TRAPPC9: variants seen among roughly 807,000 people sequenced by gnomAD.
The protein encoded by TRAPPC9 is IKK2 binding protein.
In TRAPPC9, 83 loss-of-function variants were observed where a neutral mutation model predicts 124.0. That is an observed-to-expected ratio of 0.67 (90% confidence interval 0.56 to 0.80). The LOEUF is 0.80. Among genes scored for constraint, TRAPPC9 ranks in the 30% least tolerant of loss-of-function variants. The pLI is 0.00. For synonymous variants in TRAPPC9, 638 were observed against 617.5 expected (o/e 1.03, Z -0.49); for missense variants, 1,302 against 1,508.3 (o/e 0.86, Z 2.27).
chr8:140,134,015 G>C (rs988114658), intron 17 of TRAPPC9, among the ~76,000 whole-genome samples: 1 of 151,526 alleles, frequency 6.6e-6, no homozygotes, highest in African/African-American at 2.4e-5. Flanking sequence ...AATTCCAACA[G>C]CTTATTTTTT....
intron 19 of TRAPPC9, among the ~76,000 whole-genome samples, chr8:139,958,815 G>A (rs1045573013): frequency 1.3e-5 from 2 of 152,242 alleles, no homozygotes; most frequent in African/African-American, 4.8e-5. Flanking sequence ...GGGGAGTTGT[G>A]TAGACACCAT....
Position 139,990,026 on chromosome 8 carries a change from G to A in TRAPPC9, c.2700-1190C>T, listed in dbSNP as rs968638990. On this transcript the variant is annotated intron_variant, in intron 18 of 22. Coordinates refer to ENST00000438773, the MANE Select transcript of TRAPPC9 (RefSeq NM_001160372.4). ...AAGAGCAGGGTAAACAGTTTTCATG[G>A]GGGGAGAAAACACAGAGAAAAAGAT... is the stretch of plus-strand genomic sequence containing the variant. 2.6e-5 allele frequency among the ~76,000 whole-genome samples: 4 copies of A among 152,120 alleles called. No homozygotes were observed. The South Asian group carries it at 8.3e-4, about 32-fold the overall frequency.
At chr8:139,915,609 G>A (rs138827098) in intron 19 of TRAPPC9, among the ~76,000 whole-genome samples, 189 of 152,272 alleles carry the variant, frequency 1.2e-3, no homozygotes, top group African/African-American at 3.8e-3. Flanking sequence ...CCCGCTGTTC[G>A]TGTCTGACCA....
chr8:139,834,278 C>T (rs1027235563), intron 21 of TRAPPC9, among the ~76,000 whole-genome samples: 5 of 152,170 alleles, frequency 3.3e-5, no homozygotes, highest in Non-Finnish European at 7.4e-5. Context: ...CATGATGGTG[C>T]CTACACCAGC....
At chr8:139,900,873 G>T (rs1399165160) in intron 20 of TRAPPC9, among the ~76,000 whole-genome samples, 2 of 151,988 alleles carry the variant, frequency 1.3e-5, no homozygotes, top group African/African-American at 4.8e-5. Context: ...AACAATGATT[G>T]CTTAGTTCAC....
intron 14 of TRAPPC9, 49 bp from the exon 15 acceptor site, chr8:140,275,870 G>T: frequency 6.7e-7 from 1 of 1,493,502 alleles, no homozygotes; most frequent in Non-Finnish European, 9.3e-7. Context: ...AGAAGCCAAG[G>T]CCATTTGAAA....
At chr8:140,409,120 A>G (rs558342997) in intron 5 of TRAPPC9, among the ~76,000 whole-genome samples, 1 of 152,364 alleles carries the variant, frequency 6.6e-6, no homozygotes, top group Admixed American at 6.5e-5. Context: ...CAAAAGTTGA[A>G]AAAGAAAAAC....
chr8:140,044,273 C>CAAAAA (rs1224548746), intron 17 of TRAPPC9, among the ~76,000 whole-genome samples: 1 of 98,360 alleles, frequency 1.0e-5, no homozygotes, highest in African/African-American at 4.0e-5. Flanking sequence ...CAACAACGAC[C>CAAAAA]AAAAAAAAAA....
intron 12 of TRAPPC9, among the ~76,000 whole-genome samples, chr8:140,289,429 T>C (rs2065586608): frequency 6.6e-6 from 1 of 152,212 alleles, no homozygotes; most frequent in South Asian, 2.1e-4. Context: ...TTTATTTCTT[T>C]TGAAAATAGC....
At chr8:140,059,464 C>T (rs897173340) in intron 17 of TRAPPC9, among the ~76,000 whole-genome samples, 9 of 152,136 alleles carry the variant, frequency 5.9e-5, no homozygotes, top group African/African-American at 2.2e-4. Context: ...TGGGTAAGTA[C>T]CTAGAAGTGA....
At chr8:139,833,258 A>T (rs1379594475) in intron 21 of TRAPPC9, among the ~76,000 whole-genome samples, 1 of 152,210 alleles carries the variant, frequency 6.6e-6, no homozygotes, top group Admixed American at 6.5e-5. Flanking sequence ...GAACCTTCAT[A>T]AAACCTATAG....
At chr8:140,099,677 C>G (rs2060536443) in intron 17 of TRAPPC9, 1 of 150,656 alleles carries the variant, frequency 6.6e-6, no homozygotes, top group Non-Finnish European at 1.5e-5. Context: ...AGCTAGGTCT[C>G]TGCACAGCTG....
At chr8:140,427,360 C>G (rs1454169737) in intron 4 of TRAPPC9, among the ~76,000 whole-genome samples, 2 of 146,978 alleles carry the variant, frequency 1.4e-5, no homozygotes, top group African/African-American at 4.9e-5. Flanking sequence ...ATACATCTCT[C>G]TATATATATA....
At chr8:139,929,510 C>T (rs1368899723) in intron 19 of TRAPPC9, among the ~76,000 whole-genome samples, 2 of 149,292 alleles carry the variant, frequency 1.3e-5, no homozygotes, top group South Asian at 4.4e-4. Flanking sequence ...CCGAGGTGGG[C>T]GGATCATGAG....
chr8:139,991,584 G>GTT (rs1415267619), intron 18 of TRAPPC9, among the ~76,000 whole-genome samples: 5 of 132,820 alleles, frequency 3.8e-5, no homozygotes, highest in Admixed American at 7.3e-5. Context: ...TGCTTTTTGG[G>GTT]TTTGTTTTTT....
intron 5 of TRAPPC9, among the ~76,000 whole-genome samples, chr8:140,416,552 C>T (rs2069934753): frequency 1.3e-5 from 2 of 152,172 alleles, no homozygotes; most frequent in South Asian, 4.2e-4. Flanking sequence ...TAAACCACTG[C>T]TCAACAAAAT....
chr8:140,121,058 CA>C (rs1259928831), intron 17 of TRAPPC9, among the ~76,000 whole-genome samples: 1 of 152,246 alleles, frequency 6.6e-6, no homozygotes, highest in African/African-American at 2.4e-5. Flanking sequence ...GGTCAAGGAA[CA>C]AAACCCAATC....
Position 139,885,933 on chromosome 8 carries a change from C to T in TRAPPC9, c.3001G>A (p.Gly1001Arg), listed in dbSNP as rs1375562053. 4 of 1,573,958 alleles carry T rather than the reference C, an allele frequency of 2.5e-6. No individual in the cohort carries two copies. Among genetic ancestry groups the T allele is most frequent in the South Asian group, 2.3e-5 (2 of 85,464 alleles). Reference protein sequence around the residue: ...LKRSGEASVEGLLNQLVLEHL... With the variant: ...LKRSGEASVERLLNQLVLEHL... ...TCCAGGACGAGCTGGTTCAGGAGTC[C>T]TTCCACACTCGCCTCGCCACTGCGC... Residue 1001 changes from glycine (G) to arginine (R), a missense_variant, in exon 21 of 23, where the codon GGA (glycine) becomes AGA (arginine). Transcript: ENST00000438773.
Position 140,272,209 on chromosome 8 carries a change from G to A in TRAPPC9, c.2278+3449C>T, listed in dbSNP as rs540654849. On this transcript the variant is annotated intron_variant, in intron 15 of 22. Transcript: ENST00000438773. The stretch of plus-strand genomic sequence containing the variant: ...TTATGGTGGTGATGGTGGCAGTGGT[G>A]AGGGTGGTGGTTGTGTTGATAGTGG... Among the ~76,000 whole-genome samples, 78 of 144,742 alleles carry A rather than the reference G, an allele frequency of 5.4e-4. No homozygotes were observed. The South Asian group carries it at 0.015, about 27-fold the overall frequency. 95.0% of individuals were successfully genotyped at this position (144,742 alleles called of 152,430 possible). A position where few individuals can be genotyped will look rare whatever the true frequency, so the allele number is the denominator to read the frequency against.
Sources: gnomAD v4.1 joint callset for allele counts (sites outside exome capture counted in the v4.1 genomes callset) on GRCh38, gnomAD v4.1.1 for gene constraint, MANE v1.5 for transcripts, NCBI Gene and HGNC (gene_info 2026-07-23, HGNC 2026-07-21) for gene names.